Variants in ABTB3 observed in about 807,000 individuals in gnomAD.
ABTB3 encodes ankyrin repeat- and BTB/POZ domain-containing protein 3.
chr12:107,421,176 C>T, the ABTB3 span, among the ~76,000 whole-genome samples: 2 of 152,202 alleles, frequency 1.3e-5, no homozygotes, highest in Non-Finnish European at 2.9e-5. Flanking sequence ...TACTGAGAGG[C>T]TTTTTAATTA....
chr12:107,617,728 A>G, the ABTB3 span: 1 of 415,270 alleles, frequency 2.4e-6, no homozygotes, highest in Non-Finnish European at 4.3e-6. Flanking sequence ...GTCAGCTGTC[A>G]TGAAGTAAGA....
At chr12:107,377,414 AGTGT>A in the ABTB3 span, among the ~76,000 whole-genome samples, 5,711 of 146,532 alleles carry the variant, frequency 0.039, 105 homozygotes, top group African/African-American at 0.051. Flanking sequence ...AGAGAGCAAG[AGTGT>A]GTGTGTGTGT....
the ABTB3 span, among the ~76,000 whole-genome samples, chr12:107,497,978 G>A: frequency 1.3e-5 from 2 of 152,162 alleles, no homozygotes; most frequent in South Asian, 4.1e-4. Flanking sequence ...GGCACATCCT[G>A]GAAGCAGAAG....
the ABTB3 span, among the ~76,000 whole-genome samples, chr12:107,376,931 G>GTCCAACATC: frequency 6.6e-5 from 10 of 152,128 alleles, no homozygotes; most frequent in Admixed American, 3.3e-4. Flanking sequence ...TGAGTCCAGA[G>GTCCAACATC]TCCAACATCT....
chr12:107,612,987 GCT>G, the ABTB3 span: 1 of 903,286 alleles, frequency 1.1e-6, no homozygotes, highest in African/African-American at 1.7e-5. Context: ...GCAACAGATA[GCT>G]CTTTCCTGTG....
At chr12:107,635,491 G>A in the ABTB3 span, 2 of 1,071,338 alleles carry the variant, frequency 1.9e-6, no homozygotes, top group Non-Finnish European at 2.8e-6. Context: ...GGGGTTCAAG[G>A]GCAAACAAGG....
chr12:107,398,461 G>A, the ABTB3 span, among the ~76,000 whole-genome samples: 3 of 151,996 alleles, frequency 2.0e-5, no homozygotes, highest in Non-Finnish European at 4.4e-5. Context: ...GGAAAGAGGA[G>A]GCTAGAAGTA....
At chr12:107,446,071 C>T in the ABTB3 span, among the ~76,000 whole-genome samples, 1 of 152,168 alleles carries the variant, frequency 6.6e-6, no homozygotes, top group Admixed American at 6.5e-5. Context: ...CACACATTCA[C>T]AGGCTCTGGG....
chr12:107,640,267 C>CT, the ABTB3 span: 2 of 1,155,672 alleles, frequency 1.7e-6, no homozygotes, highest in South Asian at 1.4e-5. Context: ...AAACTTCATC[C>CT]TTTTTTCCAC....
the ABTB3 span, chr12:107,520,645 A>T: frequency 3.7e-6 from 6 of 1,613,906 alleles, no homozygotes; most frequent in Admixed American, 8.3e-5. Context: ...GAGTAAGTAG[A>T]TGTTGGTTCT....
chr12:107,361,372 C>T, the ABTB3 span, among the ~76,000 whole-genome samples: 2 of 152,162 alleles, frequency 1.3e-5, no homozygotes, highest in Non-Finnish European at 2.9e-5. Context: ...CCTTACGTGT[C>T]GTGATACGCT....
At chr12:107,320,087 C>T in the ABTB3 span, 5 of 1,440,996 alleles carry the variant, frequency 3.5e-6, no homozygotes, top group Non-Finnish European at 4.6e-6. Flanking sequence ...TAAGTGTCTG[C>T]GCGGGTGCCA....
the ABTB3 span, chr12:107,543,851 AG>A: frequency 4.7e-6 from 6 of 1,288,884 alleles, no homozygotes; most frequent in Non-Finnish European, 6.4e-6. Context: ...TGCAAGGACC[AG>A]GGTCTCCACA....
At chr12:107,550,106 G>A in the ABTB3 span, among the ~76,000 whole-genome samples, 1 of 152,180 alleles carries the variant, frequency 6.6e-6, no homozygotes, top group South Asian at 2.1e-4. Context: ...GAATCTAAGT[G>A]TTTAGTAGAT....
At chr12:107,554,754 T>C in the ABTB3 span, among the ~76,000 whole-genome samples, 1 of 152,210 alleles carries the variant, frequency 6.6e-6, no homozygotes, top group Non-Finnish European at 1.5e-5. Flanking sequence ...CAGGTGAGGC[T>C]GTTGCTGCTG....
the ABTB3 span, chr12:107,651,648 T>A: frequency 6.3e-7 from 1 of 1,575,192 alleles, no homozygotes; most frequent in Non-Finnish European, 8.7e-7. Flanking sequence ...TCCCAGCCTC[T>A]AACAGACTCT....
chr12:107,502,895 C>T, the ABTB3 span, among the ~76,000 whole-genome samples: 3 of 152,194 alleles, frequency 2.0e-5, no homozygotes, highest in Non-Finnish European at 4.4e-5. Context: ...TTCCACAAAA[C>T]CGGTCCCTGT....
chr12:107,338,922 G>A, the ABTB3 span, among the ~76,000 whole-genome samples: 2 of 152,282 alleles, frequency 1.3e-5, no homozygotes, highest in South Asian at 4.1e-4. Context: ...GGACTCCCGG[G>A]CTCAAGCCAT....
chr12:107,509,782 G>T, the ABTB3 span, among the ~76,000 whole-genome samples: 23 of 152,192 alleles, frequency 1.5e-4, no homozygotes, highest in African/African-American at 5.3e-4. Context: ...CTCTTAAAAG[G>T]GGTTTCCAGG....
Sources: gnomAD v4.1 joint callset for allele counts (sites outside exome capture counted in the v4.1 genomes callset) on GRCh38, gnomAD v4.1.1 for gene constraint, MANE v1.5 for transcripts, NCBI Gene and HGNC (gene_info 2026-07-23, HGNC 2026-07-21) for gene names.